NCKAP5: variants seen among roughly 807,000 people sequenced by gnomAD.
NCKAP5 encodes nck-associated protein 5.
In NCKAP5, 92 loss-of-function variants were observed where a neutral mutation model predicts 167.0. That is an observed-to-expected ratio of 0.55 (90% CI 0.47 to 0.66). The LOEUF (loss-of-function observed/expected upper bound fraction) is 0.66, where lower values mean the gene tolerates loss of function less well. NCKAP5 is among the 30% of genes least tolerant of loss of function. The probability of loss-of-function intolerance (pLI) is 0.00; values close to 1 mark genes in which losing one functional copy is unlikely to be tolerated. For synonymous variants in NCKAP5, 891 were observed against 877.4 expected, an observed-to-expected ratio of 1.02 and a Z score of -0.27; for missense variants, 2,378 against 2,315.0, an observed-to-expected ratio of 1.03 and a Z score of -0.56.
intron 4 of NCKAP5, among the ~76,000 whole-genome samples, chr2:133,242,833 G>A (rs2087783740): frequency 1.3e-5 from 2 of 152,122 alleles, no homozygotes; most frequent in Non-Finnish European, 2.9e-5. Flanking sequence ...GGGCACTACC[G>A]GGAAAGTTTT....
chr2:132,958,202 T>C (rs888813831), intron 8 of NCKAP5, among the ~76,000 whole-genome samples: 1 of 152,072 alleles, frequency 6.6e-6, no homozygotes, highest in African/African-American at 2.4e-5. Context: ...ATCAGAACAG[T>C]GTTTGGGATA....
intron 16 of NCKAP5, among the ~76,000 whole-genome samples, chr2:132,773,273 G>A (rs979405348): frequency 8.5e-5 from 13 of 152,172 alleles, no homozygotes; most frequent in Non-Finnish European, 1.8e-4. Flanking sequence ...AAGTTCCTGC[G>A]TGCTGGGAAC....
intron 3 of NCKAP5, among the ~76,000 whole-genome samples, chr2:133,424,366 T>C (rs1389421077): frequency 6.6e-6 from 1 of 152,228 alleles, no homozygotes; most frequent in Non-Finnish European, 1.5e-5. Context: ...CCCAACTTGC[T>C]ACTACTCAGA....
chr2:133,180,895 T>G (rs572151950), intron 5 of NCKAP5, among the ~76,000 whole-genome samples: 1 of 152,200 alleles, frequency 6.6e-6, no homozygotes, highest in East Asian at 1.9e-4. Flanking sequence ...AGGTGGCCTA[T>G]GGACTGGGAG....
chr2:133,573,102 T>C (rs995836990), upstream of NCKAP5, among the ~76,000 whole-genome samples: 5 of 152,198 alleles, frequency 3.3e-5, no homozygotes, highest in Non-Finnish European at 5.9e-5. Context: ...AGGTGCCACA[T>C]TGAGGGCCCC....
chr2:132,858,578 A>C (rs1217069783), intron 11 of NCKAP5, among the ~76,000 whole-genome samples: 1 of 152,192 alleles, frequency 6.6e-6, no homozygotes, highest in Non-Finnish European at 1.5e-5. Context: ...TCTGTCTTGG[A>C]TTATGAGCTC....
intron 6 of NCKAP5, among the ~76,000 whole-genome samples, chr2:133,108,734 C>G (rs1267426795): frequency 6.6e-6 from 1 of 152,212 alleles, no homozygotes; most frequent in Non-Finnish European, 1.5e-5. Flanking sequence ...CCATTCTACT[C>G]TGTGCTTCTA....
At chr2:133,072,081 C>CT (rs56234235) in intron 6 of NCKAP5, among the ~76,000 whole-genome samples, 33,509 of 144,974 alleles carry the variant, frequency 0.23, 7,195 homozygotes, top group African/African-American at 0.57. Flanking sequence ...TTTATCCAGG[C>CT]TTTTTTTTTT....
chr2:133,474,141 T>TATCC (rs1230524314), intron 3 of NCKAP5, among the ~76,000 whole-genome samples: 3 of 146,624 alleles, frequency 2.0e-5, no homozygotes, highest in Non-Finnish European at 4.4e-5. Flanking sequence ...TCTATCTATC[T>TATCC]ATCTATCTAT....
At chr2:132,887,100 G>C (rs1692286769) in intron 8 of NCKAP5, among the ~76,000 whole-genome samples, 1 of 152,096 alleles carries the variant, frequency 6.6e-6, no homozygotes, top group African/African-American at 2.4e-5. Context: ...TTTATCAACA[G>C]TAAGTATCTT....
chr2:133,361,783 C>G (rs1685120544), intron 3 of NCKAP5, among the ~76,000 whole-genome samples: 2 of 152,134 alleles, frequency 1.3e-5, no homozygotes, highest in Non-Finnish European at 2.9e-5. Context: ...TGGAAAAGAC[C>G]ATTAACAAAT....
chr2:133,585,213 A>T, the NCKAP5 span, among the ~76,000 whole-genome samples: 1 of 152,254 alleles, frequency 6.6e-6, no homozygotes, highest in East Asian at 1.9e-4. Flanking sequence ...GACATGTTTA[A>T]TGCAGTTTTA....
intron 11 of NCKAP5, among the ~76,000 whole-genome samples, chr2:132,851,504 C>T (rs1279043020): frequency 1.3e-5 from 2 of 152,246 alleles, no homozygotes; most frequent in Admixed American, 6.5e-5. Flanking sequence ...CCAGGCACAA[C>T]TGAAGGTTAA....
At chr2:133,578,940 C>G in the NCKAP5 span, among the ~76,000 whole-genome samples, 4 of 152,128 alleles carry the variant, frequency 2.6e-5, no homozygotes, top group African/African-American at 9.7e-5. Context: ...TCTGGTAACC[C>G]AACAAATAAT....
At chr2:133,559,653 A>C (rs1016672033) in intron 1 of NCKAP5, among the ~76,000 whole-genome samples, 1 of 152,188 alleles carries the variant, frequency 6.6e-6, no homozygotes, top group African/African-American at 2.4e-5. Flanking sequence ...GGATGGGGAA[A>C]TCATGCCTGA....
At chr2:133,008,798 CA>C (rs1280455257) in intron 6 of NCKAP5, among the ~76,000 whole-genome samples, 1 of 152,054 alleles carries the variant, frequency 6.6e-6, no homozygotes, top group Non-Finnish European at 1.5e-5. Context: ...CAAAACAAAA[CA>C]AAACAAAAAT....
chr2:133,320,380 G>A (rs1211071828), intron 3 of NCKAP5, among the ~76,000 whole-genome samples: 2 of 152,118 alleles, frequency 1.3e-5, no homozygotes, highest in Non-Finnish European at 2.9e-5. Flanking sequence ...GGGCTCTCTA[G>A]ACCTCCTCTC....
At chr2:133,104,059 A>G (rs1280616256) in intron 6 of NCKAP5, among the ~76,000 whole-genome samples, 3 of 151,972 alleles carry the variant, frequency 2.0e-5, no homozygotes, top group Non-Finnish European at 2.9e-5. Context: ...TCTGGCCCAG[A>G]GCTGCCCCTC....
chr2:133,665,786 A>C, the NCKAP5 span, among the ~76,000 whole-genome samples: 1 of 152,258 alleles, frequency 6.6e-6, no homozygotes, highest in Non-Finnish European at 1.5e-5. Context: ...ATTGTGGGTA[A>C]AAACTGTTAA....
Sources: allele counts gnomAD v4.1 joint callset (sites outside exome capture counted in the v4.1 genomes callset), GRCh38; gene constraint gnomAD v4.1.1; transcripts MANE v1.5; gene names NCBI Gene and HGNC (gene_info 2026-07-23, HGNC 2026-07-21).